The following FAM227B variants were observed in gnomAD, a reference collection of about 807,000 sequenced individuals.
FAM227B encodes the protein family with sequence similarity 227 member B.
In FAM227B, 88 loss-of-function variants were observed where a neutral mutation model predicts 73.8. That is an observed-to-expected ratio of 1.19 (90% CI 1.00 to 1.42). The LOEUF (loss-of-function observed/expected upper bound fraction) is 1.42. Ranked by LOEUF, FAM227B falls within the 40% of genes most tolerant of loss-of-function variation. The pLI is 0.00. For synonymous variants in FAM227B, 210 were observed against 190.5 expected (o/e 1.10, Z -0.84); for missense variants, 632 against 590.9 (o/e 1.07, Z -0.72).
intron 1 of FAM227B, among the ~76,000 whole-genome samples, chr15:49,616,071 C>T (rs1456372934): frequency 1.3e-5 from 2 of 152,154 alleles, no homozygotes; most frequent in East Asian, 1.9e-4. Context: ...GTTCCCTGAA[C>T]CTGAACCTGA....
At chr15:49,547,497 G>C (rs1256483615) in intron 9 of FAM227B, among the ~76,000 whole-genome samples, 3 of 152,152 alleles carry the variant, frequency 2.0e-5, no homozygotes, top group Non-Finnish European at 4.4e-5. Flanking sequence ...ATTGGATAAA[G>C]AGTCAAGACC....
chr15:49,477,557 C>A (rs2055460714), intron 11 of FAM227B, among the ~76,000 whole-genome samples: 1 of 152,064 alleles, frequency 6.6e-6, no homozygotes, highest in Non-Finnish European at 1.5e-5. Flanking sequence ...TATACGTGTA[C>A]CATAGTTTGT....
chr15:49,584,236 C>T (rs1040080795), intron 5 of FAM227B, among the ~76,000 whole-genome samples: 28 of 152,126 alleles, frequency 1.8e-4, no homozygotes, highest in African/African-American at 6.8e-4. Flanking sequence ...TGTGATTCAT[C>T]ACATAAACAA....
At chr15:49,522,221 G>A (rs1018252417) in intron 10 of FAM227B, among the ~76,000 whole-genome samples, 6 of 151,988 alleles carry the variant, frequency 3.9e-5, no homozygotes, top group Admixed American at 3.3e-4. Context: ...GATCACCCAG[G>A]AACAAACCAA....
intron 10 of FAM227B, among the ~76,000 whole-genome samples, chr15:49,525,589 G>T (rs2060105267): frequency 6.8e-6 from 1 of 145,994 alleles, no homozygotes; most frequent in Admixed American, 6.9e-5. Context: ...CATTAGACCA[G>T]TTCTACAGGA....
At chr15:49,381,950 A>T (rs12914592) in intron 11 of FAM227B, among the ~76,000 whole-genome samples, 24,746 of 152,110 alleles carry the variant, frequency 0.16, 3,191 homozygotes, top group African/African-American at 0.35. Context: ...TGTAGGAAGA[A>T]ATTATTTAAG....
chr15:49,550,486 C>T (rs1024256778), intron 9 of FAM227B, among the ~76,000 whole-genome samples: 8 of 150,206 alleles, frequency 5.3e-5, no homozygotes, highest in South Asian at 2.1e-4. Context: ...ACTTCTCAGA[C>T]GGGGCAGCTG....
At chr15:49,366,846 G>A (rs2045304238) in intron 13 of FAM227B, among the ~76,000 whole-genome samples, 1 of 152,164 alleles carries the variant, frequency 6.6e-6, no homozygotes, top group Non-Finnish European at 1.5e-5. Context: ...TAATTTAGTG[G>A]CTAGTGTTCT....
intron 11 of FAM227B, among the ~76,000 whole-genome samples, chr15:49,499,233 G>T (rs1377783441): frequency 7.7e-6 from 1 of 129,580 alleles, no homozygotes; most frequent in African/African-American, 2.9e-5. Context: ...ACAACAAAAA[G>T]ACTTAACTGT....
chr15:49,609,904 A>C (rs2077775178), intron 3 of FAM227B, among the ~76,000 whole-genome samples: 1 of 151,940 alleles, frequency 6.6e-6, no homozygotes, highest in African/African-American at 2.4e-5. Flanking sequence ...TGTTTTATCA[A>C]ATGCTACCTG....
intron 3 of FAM227B, among the ~76,000 whole-genome samples, chr15:49,596,908 A>C (rs538976818): frequency 1.3e-5 from 2 of 152,042 alleles, no homozygotes; most frequent in Non-Finnish European, 2.9e-5. Flanking sequence ...GGCCTAGTCC[A>C]ACAGGAAAAT....
chr15:49,399,045 T>C, intron 11 of FAM227B, among the ~76,000 whole-genome samples: 1 of 122,592 alleles, frequency 8.2e-6, no homozygotes, highest in South Asian at 3.0e-4. Context: ...CTTCAAAAAA[T>C]TAGTGAATCC....
At chr15:49,341,357 T>G (rs932664588) in intron 13 of FAM227B, among the ~76,000 whole-genome samples, 9 of 152,324 alleles carry the variant, frequency 5.9e-5, no homozygotes, top group African/African-American at 1.9e-4. Flanking sequence ...ATGGCAAGTT[T>G]AACAATATTG....
intron 11 of FAM227B, among the ~76,000 whole-genome samples, chr15:49,401,106 C>T (rs1475605045): frequency 6.6e-6 from 1 of 152,230 alleles, no homozygotes; most frequent in Non-Finnish European, 1.5e-5. Context: ...ACTCATCTGA[C>T]AAAGGGCTAA....
rs575663452 is a variant in FAM227B, at chr15:49,506,642, A to AT, written c.1012+1568dup. Among the ~76,000 whole-genome samples the AT allele has an allele frequency of 3.4e-4, 51 of 152,096 alleles. 1 individual carries two copies. In the South Asian group the frequency reaches 1.0e-2, roughly 30 times the overall value. ...TTAATTAGACATCAGTAATTTTAAG[A>AT]TATCTAGAAAGGTCCCAAACATTTG... On this transcript the variant is annotated intron_variant, in intron 11 of 15. Transcript: ENST00000299338.
intron 11 of FAM227B, among the ~76,000 whole-genome samples, chr15:49,461,151 G>A (rs2053762395): frequency 6.6e-6 from 1 of 152,098 alleles, no homozygotes; most frequent in African/African-American, 2.4e-5. Context: ...ATCTGTTGAA[G>A]TCCTCCTCGA....
At chr15:49,355,744 A>G (rs1407664002) in intron 13 of FAM227B, among the ~76,000 whole-genome samples, 1 of 151,562 alleles carries the variant, frequency 6.6e-6, no homozygotes, top group Non-Finnish European at 1.5e-5. Context: ...AGAGAACACC[A>G]CAAAGATACT....
intron 11 of FAM227B, among the ~76,000 whole-genome samples, chr15:49,446,345 C>G (rs17478694): frequency 0.27 from 41,186 of 151,402 alleles, 6,842 homozygotes; most frequent in Non-Finnish European, 0.38. Context: ...GTACAGGTGA[C>G]ATTGTGTAAT....
chr15:49,580,951 CA>C (rs2075772433), intron 5 of FAM227B, among the ~76,000 whole-genome samples: 1 of 152,030 alleles, frequency 6.6e-6, no homozygotes. Context: ...AAATAATGAA[CA>C]AAACCTCTGA....
Sources: allele counts gnomAD v4.1 joint callset (sites outside exome capture counted in the v4.1 genomes callset), GRCh38; gene constraint gnomAD v4.1.1; transcripts MANE v1.5; gene names NCBI Gene and HGNC (gene_info 2026-07-23, HGNC 2026-07-21).